The following ASTE1 variants were observed in gnomAD, a reference collection of about 807,000 sequenced individuals.
The protein encoded by ASTE1 is asteroid structure-specific endonuclease 1.
A neutral mutation model predicts 45.8 loss-of-function variants in ASTE1; 49 were observed. The observed-to-expected ratio is 1.07, with a 90% CI of 0.85 to 1.36. The LOEUF (loss-of-function observed/expected upper bound fraction) is 1.36. Among genes scored for constraint, ASTE1 ranks in the 40% most tolerant of loss-of-function variants. The pLI is 0.00. For synonymous variants in ASTE1, 296 were observed against 303.9 expected, an observed-to-expected ratio of 0.97 and a Z score of 0.27; for missense variants, 709 against 804.0, an observed-to-expected ratio of 0.88 and a Z score of 1.43.
chr3:131,021,363 T>C (rs963596949), intron 3 of ASTE1, among the ~76,000 whole-genome samples: 10 of 152,166 alleles, frequency 6.6e-5, no homozygotes, highest in African/African-American at 2.2e-4. Context: ...AATGGTAATA[T>C]ACCAAAATAG....
In ASTE1 at chr3:131,025,345, C is replaced by G. The variant is rs772579017; in HGVS notation, c.-25-14G>C. The G allele has an allele frequency of 5.1e-6, 8 of 1,570,360 alleles. No individual in the cohort carries two copies. The Admixed American group carries it at 1.1e-4, about 22-fold the overall frequency. On this transcript the variant is annotated splice_polypyrimidine_tract_variant and intron_variant, in intron 2 of 5. Transcript: ENST00000264992. ...AGAATTAATCGCCTGTTTAAAACAA[C>G]AGAAAACATTTTCAATTGATGCTAG...
chr3:131,020,920 C>G (rs1560061480), intron 3 of ASTE1, among the ~76,000 whole-genome samples: 3 of 152,142 alleles, frequency 2.0e-5, no homozygotes, highest in Admixed American at 6.5e-5. Flanking sequence ...CTCATGGATT[C>G]AGTTGGATTT....
At position 131,024,329 on chromosome 3, in the gene ASTE1, T is replaced by C. The variant is rs200755019; in HGVS notation, c.978A>G (p.Pro326=). The C allele has an allele frequency of 1.7e-5, 27 of 1,614,150 alleles. No homozygotes were observed. The highest frequency in any genetic ancestry group is 2.0e-5 in the Non-Finnish European group (24 of 1,180,058). ...VCPDALNLGL[P]EWVLVALAKG... ...TAGCTAAAGCCACTAATACCCATTCTGGTAAACCAAGATTCAAGGCATCTG... is the reference window on the plus strand; with the variant it reads ...TAGCTAAAGCCACTAATACCCATTCCGGTAAACCAAGATTCAAGGCATCTG... The change falls in exon 3 of 6, where the codon CCA becomes CCG. Residue 326 remains proline (P), a synonymous_variant. Coordinates refer to ENST00000264992, the MANE Select transcript of ASTE1 (RefSeq NM_014065.4).
rs771812777 is a variant in ASTE1, at chr3:131,014,212, T to C, written c.1885A>G (p.Lys629Glu). The C allele has an allele frequency of 1.2e-6, 2 of 1,614,052 alleles. No homozygotes were observed. Among genetic ancestry groups the C allele is most frequent in the South Asian group, 2.2e-5 (2 of 91,066 alleles). ...TTCTGTTTCTTCTGCCTTTTTTTTT[T>C]TGAATTTGATCTACCTTTTGGTAGG... ...IFLPKGRSNS[K>E]KKRQKKQNTS... Residue 629 changes from lysine (K) to glutamate (E), a missense_variant, in exon 6 of 6, where the codon AAA becomes GAA. Physicochemically the swap from Lys to Glu is moderately conservative, Grantham distance 56. Transcript: ENST00000264992.
intron 4 of ASTE1, chr3:131,017,039 G>A: frequency 1.6e-6 from 2 of 1,289,392 alleles, no homozygotes; most frequent in Non-Finnish European, 2.0e-6. Context: ...TGGGTACAGG[G>A]TCCACATTTC....
Position 131,024,689 on chromosome 3 carries a change from G to C in ASTE1, c.618C>G (p.His206Gln), listed in dbSNP as rs766857112. The C allele has an allele frequency of 1.2e-4, 188 of 1,596,716 alleles. No individual in the cohort carries two copies. Among genetic ancestry groups the C allele is most frequent in the Non-Finnish European group, 1.6e-4 (183 of 1,171,580 alleles). ...KCFSLDAFCH[H>Q]FSNMNKALLP... ...GTAGAGCTTTATTCATATTGCTGAA[G>C]TGATGGCAGAATGCATCAAGGGAAA... Residue 206 changes from histidine to glutamine, a missense_variant, in exon 3 of 6, where the codon CAC (histidine) becomes CAG (glutamine). Physicochemically the swap from His to Gln is conservative, Grantham distance 24. Coordinates refer to ENST00000264992, the MANE Select transcript of ASTE1 (RefSeq NM_014065.4).
chr3:131,016,754 G>A (rs1421787080), intron 4 of ASTE1: 3 of 331,288 alleles, frequency 9.1e-6, no homozygotes, highest in African/African-American at 4.3e-5. Context: ...AACAACCTGT[G>A]TGTTCAAAAC....
chr3:131,018,434 T>G, intron 4 of ASTE1, 72 bp downstream of exon 4: 1 of 1,442,258 alleles, frequency 6.9e-7, no homozygotes, highest in East Asian at 2.3e-5. Flanking sequence ...TACTTTTTTG[T>G]TTGTGTAAAC....
chr3:131,024,118 G>A lies in ASTE1; in HGVS notation c.1189C>T (p.Pro397Ser). 1 of 1,614,212 alleles carries A rather than the reference G, an allele frequency of 6.2e-7. No individual in the cohort carries two copies. Among genetic ancestry groups the A allele is most frequent in the East Asian group, 2.2e-5 (1 of 44,880 alleles). Reference protein sequence around the residue: ...LDKTSWNALPPQPLAFSEVER... With the variant: ...LDKTSWNALPSQPLAFSEVER... ...ACTTCACTGAAAGCTAGAGGCTGAG[G>A]AGGCAATGCATTCCAGGATGTCTTG... The change falls in exon 3 of 6, where the codon CCT becomes TCT. Residue 397 changes from proline to serine, a missense_variant. Transcript: ENST00000264992.
At chr3:131,015,856 A>G (rs2063599006) in intron 5 of ASTE1, 2 of 488,658 alleles carry the variant, frequency 4.1e-6, no homozygotes, top group South Asian at 1.9e-5. Flanking sequence ...TATCCTACCA[A>G]TGATTGCCTC....
In ASTE1 at chr3:131,014,287, A is replaced by G. The variant is rs748027394; in HGVS notation, c.1810T>C (p.Tyr604His). Reference protein sequence around the residue: ...LSICPEAKQLYEYLFNATRSY... With the variant: ...LSICPEAKQLHEYLFNATRSY... ...CTTGTGGCATTGAATAGATATTCATAAAGTTGCTTAGCCTCAGGACATATG... is the reference window on the plus strand; with the variant it reads ...CTTGTGGCATTGAATAGATATTCATGAAGTTGCTTAGCCTCAGGACATATG... The change falls in exon 6 of 6, where the codon TAT becomes CAT. Residue 604 changes from tyrosine (Y) to histidine (H), a missense_variant. Coordinates refer to ENST00000264992, the MANE Select transcript of ASTE1 (RefSeq NM_014065.4). 6.2e-7 allele frequency: 1 copy of G among 1,614,092 alleles called. No homozygotes were observed.
Position 131,014,284 on chromosome 3 carries a change from C to T in ASTE1, c.1813G>A (p.Glu605Lys). ...SICPEAKQLY[E>K]YLFNATRSYA... ...GACCTTGTGGCATTGAATAGATATT[C>T]ATAAAGTTGCTTAGCCTCAGGACAT... is the stretch of plus-strand genomic sequence containing the variant. The change falls in exon 6 of 6, where the codon GAA becomes AAA. Residue 605 changes from glutamate to lysine, a missense_variant. Glu to Lys is a moderately conservative substitution (Grantham distance 56). Coordinates refer to ENST00000264992, the MANE Select transcript of ASTE1 (RefSeq NM_014065.4). 5 of 1,613,788 alleles carry T rather than the reference C, an allele frequency of 3.1e-6. No individual in the cohort carries two copies. Among genetic ancestry groups the T allele is most frequent in the Non-Finnish European group, 4.2e-6 (5 of 1,179,970 alleles).
At chr3:131,019,444 C>G (rs1024195113) in intron 3 of ASTE1, among the ~76,000 whole-genome samples, 8 of 152,150 alleles carry the variant, frequency 5.3e-5, no homozygotes, top group African/African-American at 1.9e-4. Context: ...CATGGTTTAG[C>G]GTGTACTTCA....
chr3:131,015,210 T>G, intron 5 of ASTE1: 1 of 702,420 alleles, frequency 1.4e-6, no homozygotes, highest in East Asian at 2.7e-5. Context: ...CCACCATATT[T>G]TGTATGCGTC....
chr3:131,023,991 T>G lies in ASTE1; in HGVS notation c.1302+14A>C. 6.4e-7 allele frequency: 1 copy of G among 1,558,486 alleles called. No homozygotes were observed. The highest frequency in any genetic ancestry group is 2.3e-5 in the East Asian group (1 of 44,322). On this transcript the variant is annotated intron_variant, in intron 3 of 5. Transcript: ENST00000264992. ...GTACTTTACAAAAATTTCATTAGTA[T>G]TACAAATACTTACCTCAGTCAATCT...
Position 131,025,568 on chromosome 3 carries a change from G to C in ASTE1, c.-120C>G, listed in dbSNP as rs983530862. 14 of 473,522 alleles carry C rather than the reference G, an allele frequency of 3.0e-5. No homozygotes were observed. Among genetic ancestry groups the C allele is most frequent in the African/African-American group, 2.6e-4 (13 of 50,580 alleles). The allele number at this position is 473,522 out of a possible 1,614,324, so 29.3% of individuals were successfully genotyped here. A position where few individuals can be genotyped will look rare whatever the true frequency, so the allele number is the denominator to read the frequency against. On this transcript the variant is annotated 5_prime_UTR_variant, in exon 2 of 6. Coordinates refer to ENST00000264992, the MANE Select transcript of ASTE1 (RefSeq NM_014065.4). ...AATGGTTTCATGGGTTGTAATCTTTGGATGGTGACAGAGGCTGCTGCTAAT... is the reference window on the plus strand; with the variant it reads ...AATGGTTTCATGGGTTGTAATCTTTCGATGGTGACAGAGGCTGCTGCTAAT...
Position 131,024,754 on chromosome 3 carries a change from T to C in ASTE1, c.553A>G (p.Thr185Ala), listed in dbSNP as rs2063787818. The change falls in exon 3 of 6, where the codon ACT (threonine) becomes GCT (alanine). Residue 185 changes from threonine to alanine, a missense_variant. Transcript: ENST00000264992. The part of the protein sequence containing the change: ...LNSFQWRNMN[T>A]IKGTQNYIPA... ...ATATAGTTTTGTGTGCCCTTAATAG[T>C]GTTCATATTTCTCCACTGAAAGCTA... 6.2e-7 allele frequency: 1 copy of C among 1,613,592 alleles called. No individual in the cohort carries two copies. The highest frequency in any genetic ancestry group is 1.3e-5 in the African/African-American group (1 of 74,900).
In ASTE1 at chr3:131,024,920, C is replaced by G. The variant is rs2063792379; in HGVS notation, c.387G>C (p.Lys129Asn). Residue 129 changes from lysine (K) to asparagine (N), a missense_variant, in exon 3 of 6, where the codon AAG becomes AAC. By Grantham distance (94) the Lys-to-Asn change is moderately conservative. Transcript: ENST00000264992. ...AGCACTGGACAAAACACACCCGCAG[C>G]TTGATCAAAACCTGTATGAATACTT... The part of the protein sequence containing the change: ...IREVFIQVLI[K>N]LRVCFVQCFS... 1 of 1,613,832 alleles carries G rather than the reference C, an allele frequency of 6.2e-7. No homozygotes were observed. Among genetic ancestry groups the G allele is most frequent in the Admixed American group, 1.7e-5 (1 of 59,980 alleles).
rs546301054 is a variant in ASTE1 at position 131,014,276 on chromosome 3, T to C, written c.1821A>G (p.Leu607=). ...GGGCATATGACCTTGTGGCATTGAA[T>C]AGATATTCATAAAGTTGCTTAGCCT... ...CPEAKQLYEY[L]FNATRSYAPA... Residue 607 remains leucine (L), a synonymous_variant, in exon 6 of 6, where the codon CTA becomes CTG. Coordinates refer to ENST00000264992, the MANE Select transcript of ASTE1 (RefSeq NM_014065.4). 6.2e-6 allele frequency: 10 copies of C among 1,613,968 alleles called. No individual in the cohort carries two copies. The highest frequency in any genetic ancestry group is 5.5e-5 in the South Asian group (5 of 91,080).
Sources: allele counts gnomAD v4.1 joint callset (sites outside exome capture counted in the v4.1 genomes callset), GRCh38; gene constraint gnomAD v4.1.1; transcripts MANE v1.5; gene names NCBI Gene and HGNC (gene_info 2026-07-23, HGNC 2026-07-21).